The following CNTN5 variants were observed in gnomAD, a reference collection of about 807,000 sequenced individuals.
CNTN5 encodes contactin-5.
A neutral mutation model predicts 129.1 loss-of-function variants in CNTN5; 77 were observed. That is an observed-to-expected ratio of 0.60 (90% CI 0.50 to 0.72). The LOEUF is 0.72. CNTN5 is among the 30% of genes least tolerant of loss of function. The pLI, the probability that CNTN5 is intolerant of heterozygous loss-of-function variation, is 0.00. For missense variants in CNTN5, 1,478 were observed against 1,328.8 expected (o/e 1.11, Z -1.75); for synonymous variants, 509 against 465.6 (o/e 1.09, Z -1.20).
At chr11:99,569,812 A>T (rs1242233539) in intron 3 of CNTN5, among the ~76,000 whole-genome samples, 1 of 152,170 alleles carries the variant, frequency 6.6e-6, no homozygotes, top group Non-Finnish European at 1.5e-5. Context: ...AAACATCCGA[A>T]TAGGATGAAT....
At chr11:99,080,972 A>T (rs1296310273) in intron 1 of CNTN5, among the ~76,000 whole-genome samples, 1 of 141,278 alleles carries the variant, frequency 7.1e-6, no homozygotes, top group Non-Finnish European at 1.5e-5. Context: ...CCACCTACTG[A>T]GAAATCAGTT....
At chr11:99,409,744 A>T (rs1948858) in intron 2 of CNTN5, among the ~76,000 whole-genome samples, 99 of 152,350 alleles carry the variant, frequency 6.5e-4, no homozygotes, top group African/African-American at 2.3e-3. Context: ...AGGTCATTGC[A>T]GCCATCAAGT....
rs75566284 is a variant in CNTN5 at position 99,486,028 on chromosome 11, T to C, written c.-70-70117T>C. 1.4e-3 allele frequency among the ~76,000 whole-genome samples: 211 copies of C among 152,198 alleles called. 2 individuals carry two copies. In the East Asian group the frequency reaches 0.036, roughly 26 times the overall value. On this transcript the variant is annotated intron_variant, in intron 2 of 24. Transcript: ENST00000524871. ...GCTCAGTTATCCTGCTGTTGAATTC[T>C]ACAATTTTTGCCTATTTTCTCTTTC...
At chr11:99,474,761 A>T (rs1945305520) in intron 2 of CNTN5, among the ~76,000 whole-genome samples, 1 of 152,080 alleles carries the variant, frequency 6.6e-6, no homozygotes, top group Admixed American at 6.6e-5. Context: ...TTCTAATTAA[A>T]TCTATTTTTA....
At chr11:99,828,856 C>A (rs1488806780) in intron 4 of CNTN5, among the ~76,000 whole-genome samples, 1 of 152,122 alleles carries the variant, frequency 6.6e-6, no homozygotes, top group Non-Finnish European at 1.5e-5. Flanking sequence ...TAAACAATGA[C>A]AAATCCCATC....
chr11:99,267,539 G>A (rs986419027), intron 1 of CNTN5, among the ~76,000 whole-genome samples: 5 of 151,896 alleles, frequency 3.3e-5, no homozygotes, highest in Non-Finnish European at 5.9e-5. Context: ...TCATGTGATA[G>A]TAGGAGCCTT....
intron 6 of CNTN5, among the ~76,000 whole-genome samples, chr11:99,915,397 C>A (rs1949761897): frequency 6.6e-6 from 1 of 152,058 alleles, no homozygotes; most frequent in Non-Finnish European, 1.5e-5. Flanking sequence ...ATCTCCAATA[C>A]TATAATCCCT....
intron 6 of CNTN5, among the ~76,000 whole-genome samples, chr11:99,899,190 C>T (rs1949288029): frequency 6.6e-6 from 1 of 151,976 alleles, no homozygotes; most frequent in African/African-American, 2.4e-5. Flanking sequence ...ATTTGACATC[C>T]TTTTTCCCAA....
intron 1 of CNTN5, among the ~76,000 whole-genome samples, chr11:99,122,607 G>C (rs1004521584): frequency 6.6e-6 from 1 of 152,002 alleles, no homozygotes; most frequent in Non-Finnish European, 1.5e-5. Context: ...TAAACTACCT[G>C]TCACTGGGGT....
chr11:99,234,670 A>G (rs1431205422), intron 1 of CNTN5, among the ~76,000 whole-genome samples: 1 of 152,140 alleles, frequency 6.6e-6, no homozygotes, highest in Non-Finnish European at 1.5e-5. Context: ...AATCAGTTTG[A>G]GTCATTATTT....
chr11:99,608,219 T>C lies in CNTN5; in HGVS notation c.55+51950T>C, dbSNP rs1212986569. The stretch of plus-strand genomic sequence containing the variant: ...TTTTCAATAAAATGTTTAATAAATA[T>C]GTGTTGTCCCATCTATGCTGCATAC... On this transcript the variant is annotated intron_variant, in intron 3 of 24. Transcript: ENST00000524871. 2.0e-5 allele frequency among the ~76,000 whole-genome samples: 3 copies of C among 152,182 alleles called. No individual in the cohort carries two copies. In the East Asian group the frequency reaches 5.8e-4, roughly 29 times the overall value.
At chr11:99,238,114 G>A (rs1193714421) in intron 1 of CNTN5, among the ~76,000 whole-genome samples, 3 of 152,108 alleles carry the variant, frequency 2.0e-5, no homozygotes, top group Non-Finnish European at 4.4e-5. Context: ...ATATATTAGG[G>A]AAAGAAAGCA....
At chr11:99,182,370 T>C (rs1858121419) in intron 1 of CNTN5, among the ~76,000 whole-genome samples, 2 of 152,218 alleles carry the variant, frequency 1.3e-5, no homozygotes, top group African/African-American at 2.4e-5. Context: ...TCATGCTCTG[T>C]AGGAATGCTT....
chr11:99,273,502 G>C (rs962292401), intron 1 of CNTN5, among the ~76,000 whole-genome samples: 1 of 151,560 alleles, frequency 6.6e-6, no homozygotes, highest in African/African-American at 2.4e-5. Context: ...TCTCTCTCTT[G>C]CTTCTACTTT....
intron 18 of CNTN5, among the ~76,000 whole-genome samples, chr11:100,286,768 T>C (rs10894709): frequency 0.85 from 118,564 of 139,758 alleles, 51,105 homozygotes; most frequent in East Asian, 1. Context: ...ATGACTTTGA[T>C]GAGCTGAGAG....
chr11:99,115,051 A>G (rs1036384868), intron 1 of CNTN5, among the ~76,000 whole-genome samples: 1 of 152,168 alleles, frequency 6.6e-6, no homozygotes, highest in Non-Finnish European at 1.5e-5. Flanking sequence ...GGTCTTTTTA[A>G]CCAGAAAGCA....
At position 100,309,164 on chromosome 11, in the gene CNTN5, A is replaced by T. The variant is rs963970901; in HGVS notation, c.2730+696A>T. On this transcript the variant is annotated intron_variant, in intron 21 of 24. Transcript: ENST00000524871. Reference sequence around the variant, plus strand: ...GAGAGGAATTAGGGGGATAATGTCTAAAAGAAAAAAAGAATTAGCATCTGA... The same window carrying T: ...GAGAGGAATTAGGGGGATAATGTCTTAAAGAAAAAAAGAATTAGCATCTGA... The T allele has an allele frequency of 7.1e-6, 7 of 984,918 alleles. No individual in the cohort carries two copies. In the African/African-American group the frequency reaches 1.0e-4, roughly 15 times the overall value. The allele number at this position is 984,918 out of a possible 1,614,324, so 61.0% of individuals were successfully genotyped here.
At chr11:99,066,954 C>T (rs1347950651) in intron 1 of CNTN5, among the ~76,000 whole-genome samples, 6 of 152,142 alleles carry the variant, frequency 3.9e-5, no homozygotes, top group Admixed American at 2.0e-4. Context: ...CAGGGGCTTT[C>T]ATCCAAAATC....
At chr11:99,569,594 G>A (rs184926972) in intron 3 of CNTN5, among the ~76,000 whole-genome samples, 275 of 152,278 alleles carry the variant, frequency 1.8e-3, no homozygotes, top group Non-Finnish European at 2.9e-3. Context: ...TTACAGGCTT[G>A]AGCCACCATT....
Sources: gnomAD v4.1 joint callset for allele counts (sites outside exome capture counted in the v4.1 genomes callset) on GRCh38, gnomAD v4.1.1 for gene constraint, MANE v1.5 for transcripts, NCBI Gene and HGNC (gene_info 2026-07-23, HGNC 2026-07-21) for gene names.